MEGF11: variants seen among roughly 807,000 people sequenced by gnomAD.
MEGF11 encodes multiple epidermal growth factor-like domains protein 11.
Under a neutral mutation model 146.6 loss-of-function variants are expected in MEGF11, and 126 were observed. That is an observed-to-expected ratio of 0.86 (90% confidence interval 0.74 to 1.00). The LOEUF is 1.00. MEGF11 is among the 50% of genes least tolerant of loss of function. MEGF11 has a pLI of 0.00. For synonymous variants in MEGF11, 532 were observed against 583.4 expected (o/e 0.91, Z 1.27); for missense variants, 1,509 against 1,521.2 (o/e 0.99, Z 0.13).
At chr15:65,906,186 T>C in intron 23 of MEGF11, 45 bp from the exon 24 acceptor site, 6 of 1,450,932 alleles carry the variant, frequency 4.1e-6, no homozygotes, top group Non-Finnish European at 5.7e-6. Context: ...GGGGGTGAGG[T>C]TTACTTAGAC....
At chr15:66,113,157 T>C (rs1190958505) in intron 4 of MEGF11, among the ~76,000 whole-genome samples, 1 of 152,016 alleles carries the variant, frequency 6.6e-6, no homozygotes, top group Non-Finnish European at 1.5e-5. Context: ...AGTCCACCCG[T>C]GAGGCCAGTC....
At chr15:66,002,509 T>C (rs757233277) in intron 5 of MEGF11, among the ~76,000 whole-genome samples, 6 of 152,170 alleles carry the variant, frequency 3.9e-5, no homozygotes, top group Non-Finnish European at 8.8e-5. Flanking sequence ...GTATAGGAAT[T>C]CAGAGCATGA....
intron 5 of MEGF11, among the ~76,000 whole-genome samples, chr15:66,083,485 G>C (rs1466321446): frequency 1.3e-5 from 2 of 152,064 alleles, no homozygotes; most frequent in Non-Finnish European, 2.9e-5. Flanking sequence ...ACTCAAAATG[G>C]ATCAAAGACC....
intron 10 of MEGF11, among the ~76,000 whole-genome samples, chr15:65,949,843 G>A (rs1425841029): frequency 6.6e-6 from 1 of 152,188 alleles, no homozygotes. Context: ...GGCCGCCTAG[G>A]TGAGGCCTTA....
intron 5 of MEGF11, among the ~76,000 whole-genome samples, chr15:66,024,015 A>G (rs2083247356): frequency 6.6e-6 from 1 of 152,096 alleles, no homozygotes; most frequent in South Asian, 2.1e-4. Flanking sequence ...GAGGGGATGG[A>G]GGTCACCAGC....
chr15:65,931,079 A>G, intron 10 of MEGF11, 136 bp from the exon 11 acceptor site: 1 of 1,128,154 alleles, frequency 8.9e-7, no homozygotes, highest in African/African-American at 1.6e-5. Flanking sequence ...GTTACCTTAC[A>G]TGGCAAAAAG....
At chr15:66,083,547 G>A (rs779211668) in intron 5 of MEGF11, among the ~76,000 whole-genome samples, 26 of 151,864 alleles carry the variant, frequency 1.7e-4, no homozygotes, top group African/African-American at 4.8e-4. Context: ...GGGGTAAAGC[G>A]TCATGACATT....
At chr15:66,116,895 C>T (rs1012372336) in intron 4 of MEGF11, among the ~76,000 whole-genome samples, 2 of 152,148 alleles carry the variant, frequency 1.3e-5, no homozygotes, top group South Asian at 2.1e-4. Flanking sequence ...TGCCTAGGTT[C>T]GTGAAGAGAC....
At chr15:66,074,373 G>A (rs1409178503) in intron 5 of MEGF11, among the ~76,000 whole-genome samples, 1 of 152,202 alleles carries the variant, frequency 6.6e-6, no homozygotes, top group Non-Finnish European at 1.5e-5. Context: ...TTTAACTGCT[G>A]TGGAGACTCC....
chr15:65,916,645 T>A (rs562171627), intron 17 of MEGF11, 183 bp downstream of exon 17: 122 of 1,090,244 alleles, frequency 1.1e-4, no homozygotes, highest in East Asian at 1.5e-4. Flanking sequence ...ATCCCCTGAA[T>A]CCAGTCAGGT....
intron 5 of MEGF11, among the ~76,000 whole-genome samples, chr15:66,030,967 A>T (rs1040123210): frequency 6.6e-6 from 1 of 152,230 alleles, no homozygotes. Flanking sequence ...TAAGCTGTTT[A>T]GTAGGATTTA....
chr15:66,053,714 AATTTTTTTTT>A lies in MEGF11; in HGVS notation c.394+40678_394+40687del, dbSNP rs1236340108. Among the ~76,000 whole-genome samples the A allele has an allele frequency of 2.8e-3, 118 of 42,284 alleles. 4 individuals are homozygous for A. Among genetic ancestry groups the A allele is most frequent in the African/African-American group, 4.1e-3 (77 of 19,004 alleles). The allele number at this position is 42,284 out of a possible 152,430, so 27.7% of individuals were successfully genotyped here. A position where few individuals can be genotyped will look rare whatever the true frequency, so the allele number is the denominator to read the frequency against. On this transcript the variant is annotated intron_variant, in intron 5 of 25. Coordinates refer to ENST00000395614, the MANE Select transcript of MEGF11 (RefSeq NM_001385028.1). ...ACTCAGCTCCCCCTCCCCTGGCACC[AATTTTTTTTT>A]TTTTTTTTTTTTTTTTTTTTTGAGA...
intron 1 of MEGF11, among the ~76,000 whole-genome samples, chr15:66,226,045 A>G (rs1473551002): frequency 6.6e-6 from 1 of 152,202 alleles, no homozygotes; most frequent in Non-Finnish European, 1.5e-5. Flanking sequence ...TAAACAGTTC[A>G]TGAGTTTTGA....
intron 5 of MEGF11, among the ~76,000 whole-genome samples, chr15:66,007,268 C>T (rs1046651695): frequency 6.6e-6 from 1 of 152,168 alleles, no homozygotes; most frequent in Admixed American, 6.5e-5. Flanking sequence ...TAAGCAACAG[C>T]CAAGCCCATA....
At chr15:66,042,283 T>G (rs2084017881) in intron 5 of MEGF11, among the ~76,000 whole-genome samples, 1 of 152,048 alleles carries the variant, frequency 6.6e-6, no homozygotes, top group African/African-American at 2.4e-5. Context: ...CTAATTTTTG[T>G]ATTTTTAGTA....
chr15:66,206,860 G>GTCA (rs769139779), intron 1 of MEGF11, among the ~76,000 whole-genome samples: 11 of 152,144 alleles, frequency 7.2e-5, no homozygotes, highest in Non-Finnish European at 1.2e-4. Context: ...CTGAGATCGT[G>GTCA]TCACTGCACT....
chr15:65,962,969 G>A (rs1223393129), intron 9 of MEGF11, among the ~76,000 whole-genome samples: 1 of 152,184 alleles, frequency 6.6e-6, no homozygotes, highest in Non-Finnish European at 1.5e-5. Flanking sequence ...AGAAGAGGGG[G>A]AGTCCTTTCA....
chr15:65,980,670 A>T, intron 7 of MEGF11, 108 bp downstream of exon 7: 2 of 1,401,780 alleles, frequency 1.4e-6, no homozygotes, highest in Non-Finnish European at 1.9e-6. Context: ...AAGTGCTGGG[A>T]TTACAGTCAC....
At chr15:66,018,676 C>CGTGTGTAA (rs1555461909) in intron 5 of MEGF11, among the ~76,000 whole-genome samples, 1 of 151,268 alleles carries the variant, frequency 6.6e-6, no homozygotes, top group Non-Finnish European at 1.5e-5. Flanking sequence ...AGGGTGTCTG[C>CGTGTGTAA]GTGTGCAAGT....
Sources: allele counts gnomAD v4.1 joint callset (sites outside exome capture counted in the v4.1 genomes callset), GRCh38; gene constraint gnomAD v4.1.1; transcripts MANE v1.5; gene names NCBI Gene and HGNC (gene_info 2026-07-23, HGNC 2026-07-21).